TYW1B: variants seen among roughly 807,000 people sequenced by gnomAD.
TYW1B encodes the protein S-adenosyl-L-methionine-dependent tRNA 4-demethylwyosine synthase TYW1B.
Under a neutral mutation model 86.9 loss-of-function variants are expected in TYW1B, and 73 were observed. That is an observed-to-expected ratio of 0.84 (90% CI 0.70 to 1.02). TYW1B has a LOEUF of 1.02. TYW1B is among the 50% of genes least tolerant of loss of function. The pLI is 0.00. For missense variants in TYW1B, 637 were observed against 827.4 expected (o/e 0.77, Z 2.82); for synonymous variants, 248 against 292.8 (o/e 0.85, Z 1.56).
chr7:72,699,565 C>T (rs782520609), intron 10 of TYW1B, among the ~76,000 whole-genome samples: 10 of 152,228 alleles, frequency 6.6e-5, no homozygotes, highest in East Asian at 3.9e-4. Context: ...CTCTAATAAC[C>T]GAAAGGTTGC....
chr7:72,725,172 G>A (rs1786974994), intron 9 of TYW1B, among the ~76,000 whole-genome samples: 1 of 152,126 alleles, frequency 6.6e-6, no homozygotes, highest in South Asian at 2.1e-4. Context: ...CTACCTCATG[G>A]TTTATTCATT....
intron 7 of TYW1B, among the ~76,000 whole-genome samples, chr7:72,752,878 T>C (rs1787524474): frequency 6.6e-6 from 1 of 152,066 alleles, no homozygotes; most frequent in African/African-American, 2.4e-5. Context: ...CGCTGAAAAA[T>C]GTCCCACCAG....
intron 11 of TYW1B, among the ~76,000 whole-genome samples, chr7:72,636,641 TTC>T (rs1270960031): frequency 6.6e-6 from 1 of 152,202 alleles, no homozygotes; most frequent in Non-Finnish European, 1.5e-5. Flanking sequence ...AAATATTGAT[TTC>T]TGTCAAATTC....
chr7:72,713,029 T>C (rs1554455076), intron 10 of TYW1B, among the ~76,000 whole-genome samples: 1 of 152,000 alleles, frequency 6.6e-6, no homozygotes, highest in Non-Finnish European at 1.5e-5. Flanking sequence ...CCAGGCGCAG[T>C]GGCTCACACC....
intron 12 of TYW1B, among the ~76,000 whole-genome samples, chr7:72,617,124 GT>G: frequency 6.6e-6 from 1 of 152,306 alleles, no homozygotes; most frequent in Non-Finnish European, 1.5e-5. Flanking sequence ...TCACAATAAT[GT>G]ATTTGAATCA....
intron 11 of TYW1B, among the ~76,000 whole-genome samples, chr7:72,657,422 C>T (rs1374072669): frequency 6.6e-6 from 1 of 152,008 alleles, no homozygotes; most frequent in African/African-American, 2.4e-5. Context: ...GTATAAAAAA[C>T]CTATTTAATA....
chr7:72,611,556 T>C (rs1267826118), intron 13 of TYW1B, among the ~76,000 whole-genome samples: 2 of 152,186 alleles, frequency 1.3e-5, no homozygotes, highest in African/African-American at 4.8e-5. Context: ...TCTACCATTA[T>C]TGTGAGGCCT....
intron 3 of TYW1B, among the ~76,000 whole-genome samples, chr7:72,812,841 G>A (rs782332073): frequency 6.0e-5 from 9 of 150,922 alleles, no homozygotes; most frequent in East Asian, 4.0e-4. Context: ...GACTACAGGC[G>A]TGCACCACCA....
chr7:72,757,381 A>AC (rs1787610462), intron 7 of TYW1B, among the ~76,000 whole-genome samples: 3 of 151,658 alleles, frequency 2.0e-5, no homozygotes, highest in Non-Finnish European at 4.4e-5. Context: ...AAAAAAAAAA[A>AC]AAAAACCAGA....
chr7:72,810,382 G>A (rs1788583348), intron 4 of TYW1B, 89 bp downstream of exon 4: 2 of 1,260,648 alleles, frequency 1.6e-6, no homozygotes, highest in Non-Finnish European at 1.1e-6. Flanking sequence ...GTACGTGTGT[G>A]CACGTGTGTT....
chr7:72,637,333 A>T (rs1404796311), intron 11 of TYW1B, among the ~76,000 whole-genome samples: 1 of 151,872 alleles, frequency 6.6e-6, no homozygotes, highest in African/African-American at 2.4e-5. Flanking sequence ...TTATAAGTCC[A>T]TGTAGATCAT....
At chr7:72,702,758 T>C (rs547983116) in intron 10 of TYW1B, among the ~76,000 whole-genome samples, 3 of 152,204 alleles carry the variant, frequency 2.0e-5, no homozygotes, top group African/African-American at 4.8e-5. Flanking sequence ...AGCTCTTTTT[T>C]CTTGCTGAGA....
At position 72,662,416 on chromosome 7, in the gene TYW1B, A is replaced by AATAT. The variant is rs1218605719; in HGVS notation, c.1506+32267_1506+32270dup. Among the ~76,000 whole-genome samples the AATAT allele has an allele frequency of 3.5e-4, 48 of 137,948 alleles. No individual in the cohort carries two copies. In the East Asian group the frequency reaches 4.4e-3, roughly 13 times the overall value. 90.5% of individuals were successfully genotyped at this position (137,948 alleles called of 152,430 possible). On this transcript the variant is annotated intron_variant, in intron 11 of 13. Transcript: ENST00000620995. ...TGATGATATATCCCTTCAGGTTTTT[A>AATAT]ATATATATATATAGATAGATAGATA...
chr7:72,765,296 C>T (rs1242319448), intron 7 of TYW1B, among the ~76,000 whole-genome samples: 1 of 152,154 alleles, frequency 6.6e-6, no homozygotes, highest in Non-Finnish European at 1.5e-5. Context: ...AAAGTTATGT[C>T]TCTATAGAAA....
chr7:72,717,266 C>A (rs1585926260), intron 9 of TYW1B, among the ~76,000 whole-genome samples: 1 of 151,528 alleles, frequency 6.6e-6, no homozygotes, highest in East Asian at 2.0e-4. Context: ...GCGCCACTGC[C>A]CTCTAGCCTG....
rs868915448 is a variant in TYW1B, at chr7:72,742,426, G to A, written c.1082+2058C>T. ...GTTACAGGCATAAGCCACTGCACCCGGCCAGTATTTTTGGATTGTAACTCC... is the reference window on the plus strand; with the variant it reads ...GTTACAGGCATAAGCCACTGCACCCAGCCAGTATTTTTGGATTGTAACTCC... On this transcript the variant is annotated intron_variant, in intron 8 of 13. Coordinates refer to ENST00000620995, the MANE Select transcript of TYW1B (RefSeq NM_001145440.3). Among the ~76,000 whole-genome samples the A allele has an allele frequency of 5.9e-5, 9 of 152,044 alleles. 1 individual carries two copies. The South Asian group carries it at 6.2e-4, about 11-fold the overall frequency.
At chr7:72,707,806 C>T (rs1814647784) in intron 10 of TYW1B, among the ~76,000 whole-genome samples, 1 of 152,136 alleles carries the variant, frequency 6.6e-6, no homozygotes, top group Admixed American at 6.6e-5. Context: ...ATGTTGAATT[C>T]GTAATGCTCA....
intron 10 of TYW1B, among the ~76,000 whole-genome samples, chr7:72,703,012 A>ATTTTTTTTTTTT (rs1814515747): frequency 3.4e-5 from 1 of 29,270 alleles, no homozygotes; most frequent in Non-Finnish European, 7.9e-5. Context: ...ATATATATAT[A>ATTTTTTTTTTTT]TATATATATA....
At chr7:72,792,978 G>A (rs1554473820) in intron 6 of TYW1B, among the ~76,000 whole-genome samples, 2 of 152,168 alleles carry the variant, frequency 1.3e-5, no homozygotes, top group Admixed American at 1.3e-4. Context: ...ATGAAAAGCG[G>A]ATCCAGGAAA....
Sources: allele counts gnomAD v4.1 joint callset (sites outside exome capture counted in the v4.1 genomes callset), GRCh38; gene constraint gnomAD v4.1.1; transcripts MANE v1.5; gene names NCBI Gene and HGNC (gene_info 2026-07-23, HGNC 2026-07-21).